The following PTPRG variants were observed in gnomAD, a reference collection of about 807,000 sequenced individuals.
The protein encoded by PTPRG is protein tyrosine phosphatase receptor type G, also known as receptor-type tyrosine-protein phosphatase gamma.
A neutral mutation model predicts 165.3 loss-of-function variants in PTPRG; 102 were observed. The observed-to-expected ratio is 0.62, with a 90% CI of 0.53 to 0.73. The LOEUF (loss-of-function observed/expected upper bound fraction) is 0.73. PTPRG is among the 30% of genes least tolerant of loss of function. The pLI is 0.00. For missense variants in PTPRG, 1,866 were observed against 1,861.4 expected, an observed-to-expected ratio of 1.00 and a Z score of -0.05; for synonymous variants, 675 against 669.5, an observed-to-expected ratio of 1.01 and a Z score of -0.13.
intron 1 of PTPRG, among the ~76,000 whole-genome samples, chr3:61,648,890 C>T (rs1303893342): frequency 1.3e-5 from 2 of 152,166 alleles, no homozygotes; most frequent in African/African-American, 4.8e-5. Flanking sequence ...TTTGTTGAAG[C>T]AATTATTTAT....
At chr3:62,176,398 G>T (rs1705424796) in intron 8 of PTPRG, among the ~76,000 whole-genome samples, 1 of 152,176 alleles carries the variant, frequency 6.6e-6, no homozygotes, top group Non-Finnish European at 1.5e-5. Flanking sequence ...CGTGAACCAA[G>T]ATCCTCTTAT....
chr3:62,173,721 T>G (rs1705309416), intron 8 of PTPRG, among the ~76,000 whole-genome samples: 1 of 152,000 alleles, frequency 6.6e-6, no homozygotes, highest in Admixed American at 6.6e-5. Context: ...GAGCCTCAGT[T>G]GACTGAATAT....
intron 1 of PTPRG, among the ~76,000 whole-genome samples, chr3:61,575,285 C>T (rs931311920): frequency 2.0e-5 from 3 of 152,034 alleles, no homozygotes; most frequent in Non-Finnish European, 4.4e-5. Flanking sequence ...ACCACATAAA[C>T]AAAGGATTTT....
At chr3:61,767,119 C>T (rs1423761982) in intron 2 of PTPRG, among the ~76,000 whole-genome samples, 1 of 151,504 alleles carries the variant, frequency 6.6e-6, no homozygotes, top group African/African-American at 2.4e-5. Context: ...TGGTGCACGC[C>T]TGTAGTCCCA....
intron 1 of PTPRG, among the ~76,000 whole-genome samples, chr3:61,733,384 G>A (rs1180332072): frequency 6.6e-6 from 1 of 152,108 alleles, no homozygotes; most frequent in Non-Finnish European, 1.5e-5. Flanking sequence ...TCTCTGTCAT[G>A]TGCCATGTGA....
intron 5 of PTPRG, among the ~76,000 whole-genome samples, chr3:62,098,656 T>A (rs150907931): frequency 9.8e-5 from 15 of 152,322 alleles, no homozygotes; most frequent in African/African-American, 3.6e-4. Context: ...TAGCTTTTAT[T>A]TCTGTATTCT....
At chr3:61,993,667 C>T (rs2040952249) in intron 3 of PTPRG, among the ~76,000 whole-genome samples, 1 of 152,156 alleles carries the variant, frequency 6.6e-6, no homozygotes, top group Non-Finnish European at 1.5e-5. Flanking sequence ...GTATCATAAG[C>T]CACATGGTCT....
intron 1 of PTPRG, among the ~76,000 whole-genome samples, chr3:61,588,074 C>T (rs569907276): frequency 6.6e-6 from 1 of 152,108 alleles, no homozygotes; most frequent in Non-Finnish European, 1.5e-5. Flanking sequence ...CTTTCTCTTT[C>T]ATGACCCTGC....
At chr3:61,843,155 T>C (rs554457267) in intron 2 of PTPRG, among the ~76,000 whole-genome samples, 17 of 152,332 alleles carry the variant, frequency 1.1e-4, no homozygotes, top group African/African-American at 3.6e-4. Flanking sequence ...AATTTAAATT[T>C]TGATAAGCCA....
chr3:62,061,239 G>C (rs767461847), intron 4 of PTPRG, among the ~76,000 whole-genome samples: 4 of 152,132 alleles, frequency 2.6e-5, no homozygotes, highest in Non-Finnish European at 5.9e-5. Context: ...AGACTTCCTG[G>C]GCAGACTTCT....
At chr3:61,953,146 C>T (rs2039938232) in intron 2 of PTPRG, among the ~76,000 whole-genome samples, 1 of 152,168 alleles carries the variant, frequency 6.6e-6, no homozygotes, top group South Asian at 2.1e-4. Context: ...AAACGCTTTC[C>T]CTCCTCCCAA....
chr3:61,635,608 A>G (rs372496245), intron 1 of PTPRG, among the ~76,000 whole-genome samples: 5 of 151,944 alleles, frequency 3.3e-5, no homozygotes, highest in South Asian at 2.1e-4. Flanking sequence ...TGGCCTCCCA[A>G]AGTGCTGGGA....
intron 1 of PTPRG, among the ~76,000 whole-genome samples, chr3:61,650,949 A>C (rs1203646034): frequency 6.6e-6 from 1 of 152,164 alleles, no homozygotes; most frequent in Non-Finnish European, 1.5e-5. Context: ...TGATTCAGCA[A>C]TTTGAACCTA....
Position 62,269,187 on chromosome 3 carries a change from T to C in PTPRG, c.3009+18T>C, listed in dbSNP as rs1701979643. ...TGAAAAAGGTATGGAAGGAATTGGG[T>C]AGGCTGCCAGGGCATCCCCTTTTTA... On this transcript the variant is annotated intron_variant, in intron 20 of 29. Transcript: ENST00000474889. The C allele has an allele frequency of 6.4e-7, 1 of 1,566,324 alleles. No individual in the cohort carries two copies. Among genetic ancestry groups the C allele is most frequent in the Admixed American group, 1.7e-5 (1 of 58,926 alleles).
At position 61,680,812 on chromosome 3, in the gene PTPRG, C is replaced by A. The variant is rs193027833; in HGVS notation, c.86-68066C>A. On this transcript the variant is annotated intron_variant, in intron 1 of 29. Coordinates refer to ENST00000474889, the MANE Select transcript of PTPRG (RefSeq NM_002841.4). ...AGCAGGCAATAACTAGGGTTATTGGCACCCGGTTGGTGTTTGGTGCCTGCT... is the reference window on the plus strand; with the variant it reads ...AGCAGGCAATAACTAGGGTTATTGGAACCCGGTTGGTGTTTGGTGCCTGCT... Among the ~76,000 whole-genome samples the A allele has an allele frequency of 2.4e-4, 20 of 84,446 alleles. 7 individuals are homozygous for A. The highest frequency in any genetic ancestry group is 1.4e-3 in the Admixed American group (11 of 7,764). The allele number at this position is 84,446 out of a possible 152,430, so 55.4% of individuals were successfully genotyped here.
chr3:61,797,018 C>G (rs913902477), intron 2 of PTPRG, among the ~76,000 whole-genome samples: 1 of 152,130 alleles, frequency 6.6e-6, no homozygotes, highest in Admixed American at 6.5e-5. Flanking sequence ...AATAAGAAAT[C>G]AAGTGAGGGA....
In PTPRG at chr3:62,282,822, C is replaced by T; in HGVS notation, c.4008C>T (p.Ile1336=). The T allele has an allele frequency of 6.2e-7, 1 of 1,611,680 alleles. No individual in the cohort carries two copies. Among genetic ancestry groups the T allele is most frequent in the Non-Finnish European group, 8.5e-7 (1 of 1,178,424 alleles). The change falls in exon 28 of 30, where the codon ATC becomes ATT. Residue 1336 remains isoleucine, a synonymous_variant. Transcript: ENST00000474889. ...ISSTFELINV[I]KEEALTRDGP... is the part of the protein sequence containing the mutation. Reference sequence around the variant, plus strand: ...GTACCTTTGAACTTATCAACGTCATCAAGGAAGAGGCCTTAACAAGGGATG... The same window carrying T: ...GTACCTTTGAACTTATCAACGTCATTAAGGAAGAGGCCTTAACAAGGGATG...
chr3:62,076,079 C>T (rs1701371024), intron 4 of PTPRG, among the ~76,000 whole-genome samples: 1 of 152,090 alleles, frequency 6.6e-6, no homozygotes, highest in Admixed American at 6.6e-5. Context: ...TACTCTAAAC[C>T]AGCCTGGGCA....
intron 4 of PTPRG, among the ~76,000 whole-genome samples, chr3:62,008,290 C>G (rs2041342834): frequency 6.6e-6 from 1 of 152,134 alleles, no homozygotes; most frequent in Admixed American, 6.5e-5. Flanking sequence ...TCATTGCATG[C>G]TTGTTGTTTG....
Sources: allele counts gnomAD v4.1 joint callset (sites outside exome capture counted in the v4.1 genomes callset), GRCh38; gene constraint gnomAD v4.1.1; transcripts MANE v1.5; gene names NCBI Gene and HGNC (gene_info 2026-07-23, HGNC 2026-07-21).